The following CASTOR2 variants were observed in gnomAD, a reference collection of about 807,000 sequenced individuals.
CASTOR2 encodes the protein GATS protein like 2.
Under a neutral mutation model 31.2 loss-of-function variants are expected in CASTOR2, and 8 were observed. That is an observed-to-expected ratio of 0.26 (90% CI 0.15 to 0.46). The LOEUF is 0.46. Among genes scored for constraint, CASTOR2 ranks in the 20% least tolerant of loss-of-function variants. The pLI, the probability that CASTOR2 is intolerant of heterozygous loss-of-function variation, is 0.99. For synonymous variants in CASTOR2, 162 were observed against 158.7 expected (o/e 1.02, Z -0.16); for missense variants, 216 against 382.1 (o/e 0.57, Z 3.62).
At chr7:74,991,062 AGACCC>A (rs1804198463) in intron 1 of CASTOR2, among the ~76,000 whole-genome samples, 1 of 139,826 alleles carries the variant, frequency 7.2e-6, no homozygotes, top group Non-Finnish European at 1.6e-5. Flanking sequence ...TGACAGAGCA[AGACCC>A]TGTCTGGAAA....
At chr7:75,000,185 C>T (rs1315081723) in intron 1 of CASTOR2, among the ~76,000 whole-genome samples, 1 of 152,170 alleles carries the variant, frequency 6.6e-6, no homozygotes, top group Non-Finnish European at 1.5e-5. Flanking sequence ...ATGATCATGC[C>T]AGTGCACTCC....
chr7:75,010,085 C>T (rs34766171), intron 2 of CASTOR2, among the ~76,000 whole-genome samples: 82,708 of 151,220 alleles, frequency 0.55, 24,274 homozygotes, highest in East Asian at 0.86. Flanking sequence ...TTTTCCTGAA[C>T]TCCCCTCCTA....
rs980172750 is a variant in CASTOR2, at chr7:75,026,830, C to T, written c.*2131C>T. On this transcript the variant is annotated 3_prime_UTR_variant, in exon 9 of 9. Transcript: ENST00000616305. Reference sequence around the variant, plus strand: ...TTTCCTTTCTGTCATTTCCCCCTGACGGTGTCACTTCTCTGCCTTTCCTTC... The same window carrying T: ...TTTCCTTTCTGTCATTTCCCCCTGATGGTGTCACTTCTCTGCCTTTCCTTC... Among the ~76,000 whole-genome samples the T allele has an allele frequency of 5.3e-5, 8 of 152,300 alleles. No homozygotes were observed. The South Asian group carries it at 6.2e-4, about 12-fold the overall frequency.
chr7:75,008,879 G>C lies in CASTOR2; in HGVS notation c.184+815G>C, dbSNP rs1157391287. On this transcript the variant is annotated intron_variant, in intron 2 of 8. Transcript: ENST00000616305. ...GTGGGAGGATTGCTTAAACCCAGGA[G>C]TTTGAGACTGTAGTGTGCCATGATC... Among the ~76,000 whole-genome samples, 4 of 152,232 alleles carry C rather than the reference G, an allele frequency of 2.6e-5. No individual in the cohort carries two copies. The South Asian group carries it at 8.3e-4, about 32-fold the overall frequency.
chr7:74,995,521 A>T (rs1804322410), intron 1 of CASTOR2, among the ~76,000 whole-genome samples: 1 of 148,998 alleles, frequency 6.7e-6, no homozygotes, highest in South Asian at 2.1e-4. Flanking sequence ...GAAAAAAAAA[A>T]AAAAGGCCGG....
chr7:74,997,749 T>TA (rs1306617215), intron 1 of CASTOR2, among the ~76,000 whole-genome samples: 1 of 151,832 alleles, frequency 6.6e-6, no homozygotes, highest in South Asian at 2.1e-4. Context: ...TTTTTTTTTT[T>TA]AATCATAGGT....
chr7:74,989,903 C>G (rs1266097923), intron 1 of CASTOR2, among the ~76,000 whole-genome samples: 3 of 152,040 alleles, frequency 2.0e-5, no homozygotes, highest in African/African-American at 7.2e-5. Flanking sequence ...ATGGGAATGT[C>G]CAGTATACTT....
chr7:75,012,934 A>G (rs1443284903), intron 2 of CASTOR2, among the ~76,000 whole-genome samples: 13 of 152,186 alleles, frequency 8.5e-5, no homozygotes, highest in Non-Finnish European at 1.5e-4. Context: ...GGCGTGAACC[A>G]CCGTGCACAG....
chr7:75,014,296 G>A (rs1278248009), intron 2 of CASTOR2, among the ~76,000 whole-genome samples: 3 of 151,678 alleles, frequency 2.0e-5, no homozygotes, highest in Non-Finnish European at 1.5e-5. Flanking sequence ...AGAGGTGGCC[G>A]GGCAAGGTGG....
intron 1 of CASTOR2, among the ~76,000 whole-genome samples, chr7:75,001,165 C>T (rs2131939806): frequency 6.6e-6 from 1 of 152,298 alleles, no homozygotes; most frequent in South Asian, 2.1e-4. Context: ...CAACCTCCGC[C>T]TCCCAGGCCC....
At chr7:74,965,905 C>CTG (rs1344553127) in intron 1 of CASTOR2, among the ~76,000 whole-genome samples, 641 of 34,432 alleles carry the variant, frequency 0.019, no homozygotes, top group Middle Eastern at 0.043. Flanking sequence ...CTCTCTCTCT[C>CTG]TCTCTCTCAC....
At position 74,983,818 on chromosome 7, in the gene CASTOR2, C is replaced by T. The variant is rs1347561336; in HGVS notation, c.113+18720C>T. ...TTGTTTTCTTTTGAAGACAGGGTCTCGCTCGGTCACCCAGGCCAGAGTTCA... is the reference window on the plus strand; with the variant it reads ...TTGTTTTCTTTTGAAGACAGGGTCTTGCTCGGTCACCCAGGCCAGAGTTCA... On this transcript the variant is annotated intron_variant, in intron 1 of 8. Coordinates refer to ENST00000616305, the MANE Select transcript of CASTOR2 (RefSeq NM_001145064.3). Among the ~76,000 whole-genome samples the T allele has an allele frequency of 3.4e-4, 51 of 151,060 alleles. 2 individuals are homozygous for T. The South Asian group carries it at 0.011, about 31-fold the overall frequency.
At chr7:74,984,758 G>A (rs1230177723) in intron 1 of CASTOR2, among the ~76,000 whole-genome samples, 7 of 152,148 alleles carry the variant, frequency 4.6e-5, no homozygotes, top group Non-Finnish European at 8.8e-5. Flanking sequence ...TAAGGAAACC[G>A]AGGCCCCAGA....
chr7:75,024,381 C>A, intron 7 of CASTOR2, 59 bp from the exon 8 acceptor site: 1 of 1,522,174 alleles, frequency 6.6e-7, no homozygotes, highest in Non-Finnish European at 8.9e-7. Flanking sequence ...GGCTGAAGAG[C>A]CACACAGGCA....
intron 6 of CASTOR2, among the ~76,000 whole-genome samples, chr7:75,020,385 C>T (rs1804966148): frequency 6.6e-6 from 1 of 151,522 alleles, no homozygotes; most frequent in South Asian, 2.1e-4. Flanking sequence ...CATGTGCCAC[C>T]ATGCCCAGCT....
At chr7:74,985,060 C>G (rs2131924618) in intron 1 of CASTOR2, among the ~76,000 whole-genome samples, 1 of 152,206 alleles carries the variant, frequency 6.6e-6, no homozygotes, top group East Asian at 1.9e-4. Flanking sequence ...TCATTTGAAC[C>G]CAAGAGGTGG....
At chr7:75,010,998 A>G (rs1430053317) in intron 2 of CASTOR2, among the ~76,000 whole-genome samples, 1 of 151,894 alleles carries the variant, frequency 6.6e-6, no homozygotes, top group East Asian at 1.9e-4. Context: ...GATTATAGGC[A>G]CCCACCACCA....
chr7:74,983,733 C>A (rs1309793850), intron 1 of CASTOR2, among the ~76,000 whole-genome samples: 3 of 150,302 alleles, frequency 2.0e-5, no homozygotes, highest in African/African-American at 7.4e-5. Flanking sequence ...CCTTATCAAG[C>A]GCTCTCTCTC....
chr7:74,983,216 T>A (rs1344149101), intron 1 of CASTOR2, among the ~76,000 whole-genome samples: 1 of 136,504 alleles, frequency 7.3e-6, no homozygotes, highest in African/African-American at 2.8e-5. Context: ...TTCGCCATGT[T>A]GGCCAGGCTG....
Sources: gnomAD v4.1 joint callset for allele counts (sites outside exome capture counted in the v4.1 genomes callset) on GRCh38, gnomAD v4.1.1 for gene constraint, MANE v1.5 for transcripts, NCBI Gene and HGNC (gene_info 2026-07-23, HGNC 2026-07-21) for gene names.